The following SORBS3 variants were observed in gnomAD, a reference collection of about 807,000 sequenced individuals.
SORBS3 encodes the protein vinexin.
In SORBS3, 69 loss-of-function variants were observed where a neutral mutation model predicts 98.0. The observed-to-expected ratio is 0.70, with a 90% confidence interval of 0.58 to 0.86. The LOEUF (loss-of-function observed/expected upper bound fraction) is 0.86, where lower values mean the gene tolerates loss of function less well. Among genes scored for constraint, SORBS3 ranks in the 40% least tolerant of loss-of-function variants. SORBS3 has a pLI of 0.00. For missense variants in SORBS3, 954 were observed against 908.5 expected, an observed-to-expected ratio of 1.05 and a Z score of -0.64; for synonymous variants, 394 against 355.4, an observed-to-expected ratio of 1.11 and a Z score of -1.22.
chr8:22,562,411 A>G (rs1000572889), intron 7 of SORBS3, among the ~76,000 whole-genome samples: 4 of 152,184 alleles, frequency 2.6e-5, no homozygotes, highest in Non-Finnish European at 5.9e-5. Context: ...GATAAGGATG[A>G]CATTCCTTTC....
chr8:22,546,638 A>G (rs1301764553), intron 1 of SORBS3, among the ~76,000 whole-genome samples: 1 of 152,228 alleles, frequency 6.6e-6, no homozygotes, highest in Non-Finnish European at 1.5e-5. Context: ...GAAAACATAC[A>G]TTGTTTACCA....
Position 22,567,717 on chromosome 8 carries a change from G to A in SORBS3, c.1305+542G>A, listed in dbSNP as rs538983519. On this transcript the variant is annotated intron_variant, in intron 16 of 20. Transcript: ENST00000240123. ...GTTCTGGGCTTGACAGATAAAGGGC[G>A]ATAGGTTATCTTTGCTATTTGTGAC... 1.4e-4 allele frequency among the ~76,000 whole-genome samples: 21 copies of A among 152,264 alleles called. No individual in the cohort carries two copies. In the South Asian group the frequency reaches 3.9e-3, roughly 29 times the overall value.
upstream of SORBS3, among the ~76,000 whole-genome samples, chr8:22,549,201 G>T (rs1415007875): frequency 6.6e-6 from 1 of 152,256 alleles, no homozygotes; most frequent in Non-Finnish European, 1.5e-5. Context: ...TGGGGAAGCC[G>T]CGACTTGCAG....
At chr8:22,561,265 GT>G in intron 5 of SORBS3, 69 bp from the exon 6 acceptor site, 3 of 1,479,866 alleles carry the variant, frequency 2.0e-6, no homozygotes, top group Non-Finnish European at 2.7e-6. Context: ...AGCGGCTGAG[GT>G]TGCCTCCCAG....
chr8:22,554,433 C>A lies in SORBS3; in HGVS notation c.-55-19C>A. On this transcript the variant is annotated intron_variant, in intron 1 of 20. Coordinates refer to ENST00000240123, the MANE Select transcript of SORBS3 (RefSeq NM_005775.5). This position sits in a 1 kb window ranked among gnomAD's most constrained non-coding sequence, Gnocchi z 6.5. ...GCCTAGCCTAGCAGGGCTTTCCCTT[C>A]CTTCCTCCTTCCCCACAGAGGACAC... The A allele has an allele frequency of 6.4e-7, 1 of 1,560,546 alleles. No individual in the cohort carries two copies. Among genetic ancestry groups the A allele is most frequent in the Non-Finnish European group, 8.6e-7 (1 of 1,160,110 alleles).
intron 18 of SORBS3, among the ~76,000 whole-genome samples, chr8:22,571,461 G>T (rs375556253): frequency 6.6e-6 from 1 of 152,324 alleles, no homozygotes; most frequent in Non-Finnish European, 1.5e-5. Context: ...GACCCTGGGT[G>T]TTCTTGGTTC....
chr8:22,557,663 A>G (rs1840210999), intron 4 of SORBS3, among the ~76,000 whole-genome samples: 1 of 151,986 alleles, frequency 6.6e-6, no homozygotes, highest in Non-Finnish European at 1.5e-5. Flanking sequence ...ATAAAATAAA[A>G]TTAGCTAGGC....
intron 18 of SORBS3, 65 bp from the exon 19 acceptor site, chr8:22,571,653 C>T: frequency 7.7e-7 from 1 of 1,303,984 alleles, no homozygotes; most frequent in Non-Finnish European, 1.1e-6. Flanking sequence ...GGCCTCCTCC[C>T]TCAGGCTTAC....
intron 20 of SORBS3, among the ~76,000 whole-genome samples, chr8:22,574,075 C>G (rs881771): frequency 0.63 from 96,095 of 152,012 alleles, 30,437 homozygotes; most frequent in Admixed American, 0.66. Flanking sequence ...CCAGGGCGTC[C>G]TTCTCTTCAT....
In SORBS3 at chr8:22,571,163, C is replaced by G. The variant is rs756321570; in HGVS notation, c.1685C>G (p.Thr562Ser). The G allele has an allele frequency of 3.7e-5, 58 of 1,587,100 alleles. No individual in the cohort carries two copies. The highest frequency in any genetic ancestry group is 4.8e-5 in the Non-Finnish European group (56 of 1,168,426). The change falls in exon 18 of 21, where the codon ACC becomes AGC. Residue 562 changes from threonine (T) to serine (S), a missense_variant. Physicochemically the swap from Thr to Ser is moderately conservative, Grantham distance 58 (BLOSUM62 1). Coordinates refer to ENST00000240123, the MANE Select transcript of SORBS3 (RefSeq NM_005775.5). The part of the protein sequence containing the change: ...PADPIDLGGQ[T>S]SPRRTGFSFP... ...GACCCCATCGACTTGGGGGGACAGA[C>G]CTCCCCCCGTCGCACTGGCTTCTCC...
At chr8:22,552,274 CA>C (rs1840096830) in intron 1 of SORBS3, among the ~76,000 whole-genome samples, 1 of 152,198 alleles carries the variant, frequency 6.6e-6, no homozygotes, top group Admixed American at 6.5e-5. Flanking sequence ...GTGTTCAGAG[CA>C]GGGAGGCCAG....
At chr8:22,573,015 C>T (rs1840630012) in intron 20 of SORBS3, among the ~76,000 whole-genome samples, 1 of 152,242 alleles carries the variant, frequency 6.6e-6, no homozygotes, top group Non-Finnish European at 1.5e-5. Flanking sequence ...CAGGTCTCAT[C>T]TTCAAAGGAT....
At chr8:22,551,790 C>T, upstream of SORBS3, 1 of 985,720 alleles carries the variant, frequency 1.0e-6, no homozygotes, top group Non-Finnish European at 1.2e-6. The surrounding 1 kb of genome is among the most constrained non-coding windows in gnomAD (Gnocchi z 5.8). Flanking sequence ...ACTCCGCCCG[C>T]CCCGCCGCGC....
intron 20 of SORBS3, among the ~76,000 whole-genome samples, chr8:22,573,116 G>A (rs868471782): frequency 6.7e-6 from 1 of 148,362 alleles, no homozygotes; most frequent in South Asian, 2.1e-4. Flanking sequence ...GGCTGCTTGG[G>A]CAGCCCCTTG....
At chr8:22,574,360 G>A (rs1563845981) in intron 20 of SORBS3, among the ~76,000 whole-genome samples, 1 of 152,164 alleles carries the variant, frequency 6.6e-6, no homozygotes, top group Admixed American at 6.5e-5. Flanking sequence ...TTTCAGTTCT[G>A]TGATTCCTCC....
intron 5 of SORBS3, 102 bp downstream of exon 5, chr8:22,558,294 T>C: frequency 9.2e-7 from 1 of 1,084,992 alleles, no homozygotes; most frequent in African/African-American, 1.5e-5. Flanking sequence ...CTCAAGGGGT[T>C]CTTCTCCACC....
chr8:22,560,865 G>A (rs1050358199), intron 5 of SORBS3: 17 of 116,310 alleles, frequency 1.5e-4, no homozygotes, highest in African/African-American at 6.4e-4. Context: ...GTGTGTGTGT[G>A]TGTGTGTGCG....
chr8:22,564,025 C>T lies in SORBS3; in HGVS notation c.623C>T (p.Thr208Ile), dbSNP rs767424120. The T allele has an allele frequency of 1.9e-6, 3 of 1,614,038 alleles. No homozygotes were observed. Among genetic ancestry groups the T allele is most frequent in the African/African-American group, 1.3e-5 (1 of 75,052 alleles). The change falls in exon 8 of 21, where the codon ACC becomes ATC. Residue 208 changes from threonine (T) to isoleucine (I), a missense_variant. Thr to Ile is a moderately conservative substitution (Grantham distance 89, BLOSUM62 -1). Transcript: ENST00000240123. ...WDHSEELPRS[T>I]FNYRPGAFST... ...CACTCTGAAGAGTTACCTAGAAGCA[C>T]CTTCAACTACAGACCTGGAGCATTC...
Position 22,556,752 on chromosome 8 carries a change from C to T in SORBS3, c.258C>T (p.Ser86=). 1 of 1,613,832 alleles carries T rather than the reference C, an allele frequency of 6.2e-7. No individual in the cohort carries two copies. The highest frequency in any genetic ancestry group is 8.5e-7 in the Non-Finnish European group (1 of 1,180,044). ...ATCAGACCTGGCCAGGCCCTGGGAG[C>T]AAGCCCTCTGCAAGCACAAAGATCC... is the stretch of plus-strand genomic sequence containing the variant. The part of the protein sequence containing the change: ...AWYQTWPGPG[S]KPSASTKIPA... The change falls in exon 4 of 21, where the codon AGC becomes AGT. Residue 86 remains serine, a synonymous_variant. Coordinates refer to ENST00000240123, the MANE Select transcript of SORBS3 (RefSeq NM_005775.5).
Sources: allele counts gnomAD v4.1 joint callset (sites outside exome capture counted in the v4.1 genomes callset), GRCh38; gene constraint gnomAD v4.1.1; non-coding constraint Gnocchi (gnomAD v3.1); transcripts MANE v1.5; gene names NCBI Gene and HGNC (gene_info 2026-07-23, HGNC 2026-07-21).